ZNF274: variants seen among roughly 807,000 people sequenced by gnomAD.
ZNF274 encodes the protein neurotrophin receptor-interacting factor homolog.
In ZNF274, 23 loss-of-function variants were observed where a neutral mutation model predicts 42.5. The ratio of observed to expected loss-of-function variants is 0.54; its 90% confidence interval spans 0.39 to 0.77. The LOEUF (loss-of-function observed/expected upper bound fraction) is 0.77. Ranked by LOEUF, ZNF274 falls within the 30% of genes least tolerant of loss-of-function variation. The pLI is 0.00. For synonymous variants in ZNF274, 292 were observed against 305.4 expected (o/e 0.96, Z 0.46); for missense variants, 679 against 806.5 (o/e 0.84, Z 1.91).
In ZNF274 at chr19:58,211,200, T is replaced by G; in HGVS notation, c.853-360T>G. 5.8e-6 allele frequency: 1 copy of G among 172,136 alleles called. No homozygotes were observed. Among genetic ancestry groups the G allele is most frequent in the Non-Finnish European group, 1.2e-5 (1 of 81,156 alleles). 10.7% of individuals were successfully genotyped at this position (172,136 alleles called of 1,614,324 possible). On this transcript the variant is annotated intron_variant, in intron 6 of 7. Coordinates refer to ENST00000617501, the MANE Select transcript of ZNF274 (RefSeq NM_133502.3). The surrounding 1 kb of genome is among the most constrained non-coding windows in gnomAD (Gnocchi z 4.8). ...AGCCCTGTCGACAAAGGCAGGGGCT[T>G]GGTTGTCATTTCCACCAAGTGGGAA...
chr19:58,185,917 G>C (rs996114123), intron 3 of ZNF274, 79 bp downstream of exon 3: 39 of 1,282,096 alleles, frequency 3.0e-5, no homozygotes, highest in Non-Finnish European at 3.8e-5. Context: ...TGTCTGCTTG[G>C]GCTCACACTG....
rs188941346 is a variant in ZNF274, at chr19:58,207,236, T to C, written c.739+34T>C. On this transcript the variant is annotated intron_variant, in intron 5 of 7. Transcript: ENST00000617501. This position sits in a 1 kb window ranked among gnomAD's most constrained non-coding sequence, Gnocchi z 5.6. ...AAGGGTGGGTAGAGGGACAGCTTAA[T>C]GAGGGTGTCTTGGAGTACCCTGTGG... The C allele has an allele frequency of 3.2e-6, 5 of 1,576,766 alleles. No individual in the cohort carries two copies. In the Admixed American group the frequency reaches 8.9e-5, roughly 28 times the overall value.
intron 4 of ZNF274, among the ~76,000 whole-genome samples, chr19:58,192,290 G>C (rs2075786505): frequency 6.6e-6 from 1 of 152,150 alleles, no homozygotes. Context: ...AAGAATTGTG[G>C]TATGTCACAG....
chr19:58,201,238 C>T (rs2075907339), intron 4 of ZNF274, among the ~76,000 whole-genome samples: 1 of 148,086 alleles, frequency 6.8e-6, no homozygotes, highest in African/African-American at 2.5e-5. Flanking sequence ...TCTAGAACTC[C>T]TGGGCTCAAG....
At chr19:58,203,165 G>GCC (rs11392196) in intron 4 of ZNF274, among the ~76,000 whole-genome samples, 42 of 151,102 alleles carry the variant, frequency 2.8e-4, no homozygotes, top group African/African-American at 8.0e-4. Context: ...CTGCCACTTA[G>GCC]CCCCCCCCCA....
In ZNF274 at chr19:58,211,568, G is replaced by C. The variant is rs1432568841; in HGVS notation, c.861G>C (p.Val287=). Residue 287 remains valine (V), a synonymous_variant, in exon 7 of 8, where the codon GTG becomes GTC. Coordinates refer to ENST00000617501, the MANE Select transcript of ZNF274 (RefSeq NM_133502.3). The surrounding 1 kb of genome is among the most constrained non-coding windows in gnomAD (Gnocchi z 4.8). ...CPVTVLPEEP[V]TFQDVAVDFS... is the part of the protein sequence containing the mutation. ...CATATGTGATGTTACAGGAGCCAGT[G>C]ACCTTCCAGGATGTGGCTGTGGACT... The C allele has an allele frequency of 6.2e-7, 1 of 1,612,596 alleles. No homozygotes were observed. The highest frequency in any genetic ancestry group is 8.5e-7 in the Non-Finnish European group (1 of 1,179,136).
At chr19:58,206,592 C>A in intron 4 of ZNF274, 128 bp from the exon 5 acceptor site, 1 of 1,069,654 alleles carries the variant, frequency 9.3e-7, no homozygotes, top group Non-Finnish European at 1.3e-6. Flanking sequence ...TCTTTGGTAA[C>A]AGCCATGCTA....
chr19:58,185,570 G>A, intron 2 of ZNF274, 142 bp from the exon 3 acceptor site: 1 of 842,696 alleles, frequency 1.2e-6, no homozygotes, highest in Non-Finnish European at 1.7e-6. Flanking sequence ...ACAAAGACAG[G>A]AACTCAGGAT....
intron 4 of ZNF274, among the ~76,000 whole-genome samples, chr19:58,204,868 C>T (rs2075963897): frequency 6.6e-6 from 1 of 152,142 alleles, no homozygotes; most frequent in South Asian, 2.1e-4. Flanking sequence ...AGTAGGGAGC[C>T]AGCCACGGTC....
chr19:58,203,236 G>A (rs576922787), intron 4 of ZNF274, among the ~76,000 whole-genome samples: 6 of 152,150 alleles, frequency 3.9e-5, no homozygotes, highest in African/African-American at 1.4e-4. Context: ...GGTGCTGCTG[G>A]GCCTCCAGTA....
intron 4 of ZNF274, among the ~76,000 whole-genome samples, chr19:58,200,769 A>G (rs2075900641): frequency 6.6e-6 from 1 of 152,164 alleles, no homozygotes; most frequent in Non-Finnish European, 1.5e-5. Context: ...TTTGTTGCCC[A>G]CTATGTTAGG....
intron 4 of ZNF274, among the ~76,000 whole-genome samples, chr19:58,191,499 C>T (rs928953952): frequency 3.3e-5 from 5 of 152,196 alleles, no homozygotes; most frequent in African/African-American, 9.7e-5. Context: ...GACAAGTCTG[C>T]GTTTCATCCT....
Position 58,212,798 on chromosome 19 carries a change from CTG to C in ZNF274, c.1620_1621del (p.Cys540TrpfsTer24). The C allele has an allele frequency of 6.2e-7, 1 of 1,614,012 alleles. No individual in the cohort carries two copies. Among genetic ancestry groups the C allele is most frequent in the Non-Finnish European group, 8.5e-7 (1 of 1,179,900 alleles). ...GAGAGAGGCCCTATGTGTGTCAAGA[CTG>C]TGGGAAAGGATTTGTTCAGAGCTCT... ...TGERPYVCQDCGKGFVQSSSL... is the reference protein window; with the variant it reads ...TGERPYVCQDXGKGFVQSSSL... On this transcript the variant is annotated frameshift_variant, in exon 8 of 8. Transcript: ENST00000617501. LOFTEE classifies it high-confidence loss of function. The surrounding 1 kb of genome is among the most constrained non-coding windows in gnomAD (Gnocchi z 4.6).
chr19:58,213,300 A>G lies in ZNF274; in HGVS notation c.*157A>G. The G allele has an allele frequency of 1.2e-6, 1 of 820,326 alleles. No homozygotes were observed. The highest frequency in any genetic ancestry group is 2.8e-5 in the East Asian group (1 of 36,178). 50.8% of individuals were successfully genotyped at this position (820,326 alleles called of 1,614,324 possible). The stretch of plus-strand genomic sequence containing the variant: ...CAACTGAGGAGACTGCCCAGCACAT[A>G]ATGAATAAATAAGAAAATGAGTGAG... On this transcript the variant is annotated 3_prime_UTR_variant, in exon 8 of 8. Transcript: ENST00000617501.
At chr19:58,186,752 C>G (rs931900239) in intron 3 of ZNF274, among the ~76,000 whole-genome samples, 195 bp from the exon 4 acceptor site, 1 of 151,064 alleles carries the variant, frequency 6.6e-6, no homozygotes, top group African/African-American at 2.4e-5. Flanking sequence ...CTGACCAGAA[C>G]TGGACCCCTT....
chr19:58,207,337 C>T lies in ZNF274; in HGVS notation c.739+135C>T. The T allele has an allele frequency of 7.4e-7, 1 of 1,358,296 alleles. No homozygotes were observed. The highest frequency in any genetic ancestry group is 9.8e-7 in the Non-Finnish European group (1 of 1,018,530). The allele number at this position is 1,358,296 out of a possible 1,614,324, so 84.1% of individuals were successfully genotyped here. A position where few individuals can be genotyped will look rare whatever the true frequency, so the allele number is the denominator to read the frequency against. On this transcript the variant is annotated intron_variant, in intron 5 of 7. Coordinates refer to ENST00000617501, the MANE Select transcript of ZNF274 (RefSeq NM_133502.3). The surrounding 1 kb of genome is among the most constrained non-coding windows in gnomAD (Gnocchi z 5.6). ...CCGCTCCATACAGACCAAGGACATC[C>T]ATGTTGCCCACGTGTTCCTGAGTCA...
intron 2 of ZNF274, 108 bp from the exon 3 acceptor site, chr19:58,185,604 T>G: frequency 8.0e-7 from 1 of 1,243,278 alleles, no homozygotes; most frequent in Non-Finnish European, 1.1e-6. Flanking sequence ...TGCCCTTGGG[T>G]CATCTTGTAG....
chr19:58,188,694 GTATATATATATATATATATA>G (rs71925177), intron 4 of ZNF274, among the ~76,000 whole-genome samples: 10 of 74,656 alleles, frequency 1.3e-4, no homozygotes, highest in Non-Finnish European at 2.3e-4. Flanking sequence ...ATATGTATAT[GTATATATATATATATATATA>G]TATATATATA....
intron 4 of ZNF274, among the ~76,000 whole-genome samples, chr19:58,203,479 G>A (rs1412123518): frequency 5.3e-5 from 8 of 151,806 alleles, no homozygotes; most frequent in Non-Finnish European, 1.5e-5. Context: ...AGCTGCGGCT[G>A]AGGCAGGAGA....
Sources: allele counts gnomAD v4.1 joint callset (sites outside exome capture counted in the v4.1 genomes callset), GRCh38; gene constraint gnomAD v4.1.1; non-coding constraint Gnocchi (gnomAD v3.1); transcripts MANE v1.5; gene names NCBI Gene and HGNC (gene_info 2026-07-23, HGNC 2026-07-21).